BTBD9: variants seen among roughly 807,000 people sequenced by gnomAD.
The protein encoded by BTBD9 is BTB domain containing 9.
BTBD9 carries 49 observed loss-of-function variants against 64.3 expected under a neutral mutation model. The observed-to-expected ratio is 0.76, with a 90% CI of 0.61 to 0.97. The LOEUF is 0.97. Ranked by LOEUF, BTBD9 falls within the 50% of genes least tolerant of loss-of-function variation. The pLI is 0.00. For synonymous variants in BTBD9, 260 were observed against 274.7 expected, an observed-to-expected ratio of 0.95 and a Z score of 0.53; for missense variants, 598 against 762.1, an observed-to-expected ratio of 0.78 and a Z score of 2.53.
rs16890844 is a variant in BTBD9 at position 38,596,118 on chromosome 6, C to T, written c.186-1791G>A. The T allele has an allele frequency of 1.0e-3, 914 of 914,232 alleles. 10 individuals are homozygous for T. The African/African-American group carries it at 0.015, about 15-fold the overall frequency. 56.6% of individuals were successfully genotyped at this position (914,232 alleles called of 1,614,324 possible). A position where few individuals can be genotyped will look rare whatever the true frequency, so the allele number is the denominator to read the frequency against. On this transcript the variant is annotated intron_variant, in intron 2 of 10. Coordinates refer to ENST00000481247, the MANE Select transcript of BTBD9 (RefSeq NM_001099272.2). ...CACTTAGGCCTCTTCTGACAGCTGACAATTAACATTCCTTTGCACATGAAT... is the reference window on the plus strand; with the variant it reads ...CACTTAGGCCTCTTCTGACAGCTGATAATTAACATTCCTTTGCACATGAAT...
At chr6:38,396,936 CT>C (rs1766707588) in intron 6 of BTBD9, among the ~76,000 whole-genome samples, 1 of 119,050 alleles carries the variant, frequency 8.4e-6, no homozygotes, top group African/African-American at 3.3e-5. Context: ...AGGTCTCACT[CT>C]GTCGTCCAGC....
At chr6:38,565,524 T>C (rs999716267) in intron 6 of BTBD9, among the ~76,000 whole-genome samples, 4 of 149,652 alleles carry the variant, frequency 2.7e-5, no homozygotes, top group Non-Finnish European at 4.4e-5. Context: ...TCGACTTTCA[T>C]CTTTTCTATG....
At chr6:38,507,028 CT>C (rs1180557526) in intron 6 of BTBD9, among the ~76,000 whole-genome samples, 1 of 152,166 alleles carries the variant, frequency 6.6e-6, no homozygotes, top group Non-Finnish European at 1.5e-5. Context: ...GCACTTGACG[CT>C]CTCTCTGCAT....
chr6:38,375,891 A>AAAAGAAAGAAAAG (rs1554143809), intron 6 of BTBD9, among the ~76,000 whole-genome samples: 2 of 122,260 alleles, frequency 1.6e-5, no homozygotes, highest in Non-Finnish European at 3.4e-5. Context: ...AGAAAGAAAG[A>AAAAGAAAGAAAAG]AAAGAAAGAA....
At chr6:38,205,501 TA>T (rs997028959) in intron 9 of BTBD9, among the ~76,000 whole-genome samples, 2 of 151,722 alleles carry the variant, frequency 1.3e-5, no homozygotes, top group African/African-American at 2.4e-5. Flanking sequence ...CATTCAGGCA[TA>T]AAAAAAATTC....
At chr6:38,489,974 G>C (rs1443564863) in intron 6 of BTBD9, among the ~76,000 whole-genome samples, 1 of 152,088 alleles carries the variant, frequency 6.6e-6, no homozygotes, top group Non-Finnish European at 1.5e-5. Context: ...TTGAAATGTA[G>C]CATTTCCAGC....
At chr6:38,468,833 TAC>T (rs1770510962) in intron 6 of BTBD9, among the ~76,000 whole-genome samples, 2 of 152,120 alleles carry the variant, frequency 1.3e-5, no homozygotes, top group South Asian at 4.1e-4. Context: ...CAGACAGAAA[TAC>T]AGTTTCTATA....
intron 6 of BTBD9, among the ~76,000 whole-genome samples, chr6:38,408,497 C>T (rs13215908): frequency 0.071 from 10,736 of 152,264 alleles, 515 homozygotes; most frequent in Non-Finnish European, 0.1. Flanking sequence ...GATGAACCCA[C>T]CAATGTTTGT....
At chr6:38,177,223 C>T (rs1761308019) in intron 10 of BTBD9, among the ~76,000 whole-genome samples, 1 of 152,200 alleles carries the variant, frequency 6.6e-6, no homozygotes, top group South Asian at 2.1e-4. Context: ...AATTGACTTA[C>T]GTTTGTCCTA....
At chr6:38,523,000 T>C (rs1315842103) in intron 6 of BTBD9, among the ~76,000 whole-genome samples, 1 of 152,102 alleles carries the variant, frequency 6.6e-6, no homozygotes, top group Non-Finnish European at 1.5e-5. Flanking sequence ...CTGGCCAACA[T>C]GGTGAAACAC....
intron 6 of BTBD9, among the ~76,000 whole-genome samples, chr6:38,380,822 G>A (rs552140155): frequency 9.5e-4 from 144 of 152,296 alleles, no homozygotes; most frequent in African/African-American, 3.4e-3. Flanking sequence ...TTCAGCCTGG[G>A]CAACAGAGCG....
chr6:38,257,692 T>C (rs1348071496), intron 8 of BTBD9, among the ~76,000 whole-genome samples: 1 of 152,194 alleles, frequency 6.6e-6, no homozygotes, highest in Non-Finnish European at 1.5e-5. Flanking sequence ...GTCCTGTTCT[T>C]ATCCCCCTTT....
At chr6:38,608,757 T>A (rs185902318) in intron 1 of BTBD9, among the ~76,000 whole-genome samples, 5 of 152,348 alleles carry the variant, frequency 3.3e-5, no homozygotes, top group Middle Eastern at 3.4e-3. Context: ...TTGTACAACA[T>A]AAAATATTGA....
At chr6:38,416,773 C>A (rs929206203) in intron 6 of BTBD9, among the ~76,000 whole-genome samples, 1 of 152,116 alleles carries the variant, frequency 6.6e-6, no homozygotes, top group Admixed American at 6.6e-5. Flanking sequence ...GCACAGTCAC[C>A]AAAGGGCTCA....
intron 6 of BTBD9, among the ~76,000 whole-genome samples, chr6:38,438,157 C>G (rs75450056): frequency 1.4e-5 from 2 of 140,926 alleles, no homozygotes; most frequent in South Asian, 4.5e-4. Context: ...TTCAGTAAGG[C>G]CAAACAGGAA....
At chr6:38,480,739 C>T (rs1022550510) in intron 6 of BTBD9, among the ~76,000 whole-genome samples, 1 of 152,128 alleles carries the variant, frequency 6.6e-6, no homozygotes, top group African/African-American at 2.4e-5. Flanking sequence ...TGTCTTATTC[C>T]CCACCTGACC....
intron 6 of BTBD9, among the ~76,000 whole-genome samples, chr6:38,360,398 C>G (rs1418581686): frequency 2.6e-5 from 4 of 152,042 alleles, no homozygotes; most frequent in Non-Finnish European, 5.9e-5. Flanking sequence ...ATGCTGAGCA[C>G]TTTTAGGCAC....
chr6:38,345,638 G>C (rs1764250101), intron 6 of BTBD9, among the ~76,000 whole-genome samples: 1 of 152,166 alleles, frequency 6.6e-6, no homozygotes, highest in Admixed American at 6.5e-5. Flanking sequence ...ATCTTTGTTA[G>C]GAAGTTAACC....
chr6:38,321,516 A>G (rs766156802), intron 7 of BTBD9, among the ~76,000 whole-genome samples: 28 of 152,208 alleles, frequency 1.8e-4, no homozygotes, highest in Non-Finnish European at 4.0e-4. Context: ...GGATGACATT[A>G]AACTGGACAG....
Sources: gnomAD v4.1 joint callset for allele counts (sites outside exome capture counted in the v4.1 genomes callset) on GRCh38, gnomAD v4.1.1 for gene constraint, MANE v1.5 for transcripts, NCBI Gene and HGNC (gene_info 2026-07-23, HGNC 2026-07-21) for gene names.